Variants in CA10 observed in about 807,000 individuals in gnomAD.
CA10 encodes carbonic anhydrase 10 (inactive).
A neutral mutation model predicts 44.2 loss-of-function variants in CA10; 14 were observed. That is an observed-to-expected ratio of 0.32 (90% CI 0.21 to 0.50). The LOEUF (loss-of-function observed/expected upper bound fraction) is 0.50. Ranked by LOEUF, CA10 falls within the 20% of genes least tolerant of loss-of-function variation. The pLI is 0.99. For synonymous variants in CA10, 159 were observed against 141.6 expected (o/e 1.12, Z -0.87); for missense variants, 350 against 409.7 (o/e 0.85, Z 1.26).
chr17:52,082,661 T>C (rs1359840838), intron 1 of CA10, among the ~76,000 whole-genome samples: 1 of 152,210 alleles, frequency 6.6e-6, no homozygotes, highest in Non-Finnish European at 1.5e-5. Flanking sequence ...GTTATAACAA[T>C]CTGCATTGCC....
intron 1 of CA10, among the ~76,000 whole-genome samples, chr17:52,116,424 T>C (rs1262289990): frequency 6.6e-6 from 1 of 152,124 alleles, no homozygotes; most frequent in African/African-American, 2.4e-5. Flanking sequence ...GCTTTGGAAC[T>C]TGAAGGCTAC....
At chr17:52,039,043 C>CTCA (rs1268848697) in intron 2 of CA10, among the ~76,000 whole-genome samples, 4 of 152,218 alleles carry the variant, frequency 2.6e-5, no homozygotes, top group Middle Eastern at 3.4e-3. Flanking sequence ...TTTTTCCCAA[C>CTCA]TCATGCATTT....
chr17:52,067,851 G>C (rs1352770780), intron 2 of CA10, among the ~76,000 whole-genome samples: 1 of 152,164 alleles, frequency 6.6e-6, no homozygotes, highest in South Asian at 2.1e-4. Flanking sequence ...TCTCCCATTT[G>C]GAATGGCTCT....
intron 1 of CA10, among the ~76,000 whole-genome samples, chr17:52,097,637 TATTC>T (rs559382252): frequency 6.6e-6 from 1 of 152,170 alleles, no homozygotes; most frequent in African/African-American, 2.4e-5. Context: ...TTCATTGACT[TATTC>T]ATTCATTCAT....
chr17:51,675,782 G>T (rs1332997436), intron 4 of CA10, among the ~76,000 whole-genome samples: 1 of 151,976 alleles, frequency 6.6e-6, no homozygotes, highest in African/African-American at 2.4e-5. Context: ...GTTCTCTTAG[G>T]TTGGTGCAAA....
rs139978217 is a variant in CA10 at position 52,038,205 on chromosome 17, T to C, written c.136+34114A>G. Among the ~76,000 whole-genome samples, 68 of 152,268 alleles carry C rather than the reference T, an allele frequency of 4.5e-4. 1 individual carries two copies. In the East Asian group the frequency reaches 9.5e-3, roughly 21 times the overall value. ...ACATAAACTGAACAACTGAGTGGGATACAGAGAACTGAAGTTTACAGAGAG... is the reference window on the plus strand; with the variant it reads ...ACATAAACTGAACAACTGAGTGGGACACAGAGAACTGAAGTTTACAGAGAG... On this transcript the variant is annotated intron_variant, in intron 2 of 8. Coordinates refer to ENST00000451037, the MANE Select transcript of CA10 (RefSeq NM_020178.5).
intron 2 of CA10, among the ~76,000 whole-genome samples, chr17:52,006,455 ATC>A (rs1466426111): frequency 6.6e-6 from 1 of 151,802 alleles, no homozygotes; most frequent in African/African-American, 2.4e-5. Flanking sequence ...CTTTCAACAA[ATC>A]TCTCTTTGTG....
At chr17:51,776,160 T>C (rs139998314) in intron 3 of CA10, among the ~76,000 whole-genome samples, 1 of 152,056 alleles carries the variant, frequency 6.6e-6, no homozygotes, top group Non-Finnish European at 1.5e-5. Flanking sequence ...AGGAGTTTGA[T>C]ACCAGCCTGA....
At chr17:51,872,890 T>C (rs1285331034) in intron 3 of CA10, among the ~76,000 whole-genome samples, 1 of 152,126 alleles carries the variant, frequency 6.6e-6, no homozygotes, top group Admixed American at 6.5e-5. Context: ...TCCACACCAG[T>C]TAGCCAAAAG....
rs535141983 is a variant in CA10, at chr17:51,798,258, G to A, written c.280-50440C>T. On this transcript the variant is annotated intron_variant, in intron 3 of 8. Transcript: ENST00000451037. ...TTATAGAAGCTCAGGTTCCTTCTAC[G>A]TTATTTAGGTGGGCACCTCAAGGCG... 1.4e-4 allele frequency among the ~76,000 whole-genome samples: 21 copies of A among 152,280 alleles called. 1 individual carries two copies. The South Asian group carries it at 2.9e-3, about 21-fold the overall frequency.
At chr17:51,827,344 A>G (rs1278449798) in intron 3 of CA10, among the ~76,000 whole-genome samples, 1 of 151,550 alleles carries the variant, frequency 6.6e-6, no homozygotes, top group Non-Finnish European at 1.5e-5. Flanking sequence ...ACACACACAC[A>G]CACACACACA....
At chr17:52,085,136 C>A (rs1270987689) in intron 1 of CA10, among the ~76,000 whole-genome samples, 1 of 152,192 alleles carries the variant, frequency 6.6e-6, no homozygotes, top group Non-Finnish European at 1.5e-5. Context: ...CTAGCTGATA[C>A]ACACTTGCCT....
chr17:51,728,333 A>T (rs1265235211), intron 4 of CA10, among the ~76,000 whole-genome samples: 1 of 152,132 alleles, frequency 6.6e-6, no homozygotes, highest in Non-Finnish European at 1.5e-5. Context: ...CAACACTATG[A>T]ACTAAATTAG....
chr17:51,849,531 A>G (rs1299012742), intron 3 of CA10, among the ~76,000 whole-genome samples: 1 of 151,906 alleles, frequency 6.6e-6, no homozygotes, highest in Non-Finnish European at 1.5e-5. Context: ...ACCTGGCTTC[A>G]CCATTCATTA....
intron 1 of CA10, among the ~76,000 whole-genome samples, chr17:52,119,094 T>A (rs539638744): frequency 2.4e-4 from 36 of 152,212 alleles, no homozygotes; most frequent in Non-Finnish European, 4.1e-4. Context: ...TTTTTCAGAG[T>A]CAAGGAACCT....
Position 51,699,040 on chromosome 17 carries a change from G to A in CA10, c.466-45304C>T, listed in dbSNP as rs567169831. Among the ~76,000 whole-genome samples, 4 of 152,302 alleles carry A rather than the reference G, an allele frequency of 2.6e-5. No homozygotes were observed. In the East Asian group the frequency reaches 7.7e-4, roughly 29 times the overall value. ...TCAGGATAAAAATTTTATTTCCTGG[G>A]CCGAGTGTGGTGACTCACGCCTGTA... On this transcript the variant is annotated intron_variant, in intron 4 of 8. Coordinates refer to ENST00000451037, the MANE Select transcript of CA10 (RefSeq NM_020178.5).
At chr17:51,765,435 G>C (rs538392609) in intron 3 of CA10, among the ~76,000 whole-genome samples, 4 of 152,172 alleles carry the variant, frequency 2.6e-5, no homozygotes, top group African/African-American at 9.7e-5. Flanking sequence ...TCTTAATAGA[G>C]AGAACTGCAG....
chr17:51,710,294 C>G (rs573221826), intron 4 of CA10, among the ~76,000 whole-genome samples: 1 of 152,174 alleles, frequency 6.6e-6, no homozygotes, highest in Non-Finnish European at 1.5e-5. Flanking sequence ...TTTTTGAAGG[C>G]AGCAGAAAAC....
At chr17:52,146,466 G>A (rs1346377898) in intron 1 of CA10, among the ~76,000 whole-genome samples, 3 of 151,712 alleles carry the variant, frequency 2.0e-5, no homozygotes, top group African/African-American at 2.4e-5. Context: ...TGAGGCGGGC[G>A]GATCATGAGG....
Sources: allele counts gnomAD v4.1 joint callset (sites outside exome capture counted in the v4.1 genomes callset), GRCh38; gene constraint gnomAD v4.1.1; transcripts MANE v1.5; gene names NCBI Gene and HGNC (gene_info 2026-07-23, HGNC 2026-07-21).